THSD7A: variants seen among roughly 807,000 people sequenced by gnomAD.
THSD7A encodes thrombospondin type-1 domain-containing protein 7A.
In THSD7A, 96 loss-of-function variants were observed where a neutral mutation model predicts 231.3. The ratio of observed to expected loss-of-function variants is 0.41; its 90% CI spans 0.35 to 0.49. The LOEUF (loss-of-function observed/expected upper bound fraction) is 0.49, where lower values mean the gene tolerates loss of function less well. Ranked by LOEUF, THSD7A falls within the 20% of genes least tolerant of loss-of-function variation. The pLI, the probability that THSD7A is intolerant of heterozygous loss-of-function variation, is 0.05. For synonymous variants in THSD7A, 940 were observed against 743.3 expected (o/e 1.26, Z -4.30); for missense variants, 2,290 against 2,070.2 (o/e 1.11, Z -2.06).
In THSD7A at chr7:11,762,311, C is replaced by T. The variant is rs73298445; in HGVS notation, c.190+69446G>A. Among the ~76,000 whole-genome samples, 1,182 of 152,180 alleles carry T rather than the reference C, an allele frequency of 7.8e-3. 16 individuals are homozygous for T. Among genetic ancestry groups the T allele is most frequent in the African/African-American group, 0.026 (1,066 of 41,506 alleles). On this transcript the variant is annotated intron_variant, in intron 1 of 27. Coordinates refer to ENST00000423059, the MANE Select transcript of THSD7A (RefSeq NM_015204.3). ...ATATTGTTAGTTATTTGAGACACCC[C>T]CATACTGATTTTCATAGGTGTTGAA...
At chr7:11,649,921 A>C (rs1354509686) in intron 1 of THSD7A, among the ~76,000 whole-genome samples, 2 of 152,042 alleles carry the variant, frequency 1.3e-5, no homozygotes, top group Admixed American at 1.3e-4. Flanking sequence ...TGTTCTGAGG[A>C]ATGTCAAGAC....
chr7:11,768,483 A>T (rs1343555173), intron 1 of THSD7A, among the ~76,000 whole-genome samples: 2 of 152,160 alleles, frequency 1.3e-5, no homozygotes, highest in Non-Finnish European at 1.5e-5. Context: ...GTTGAAAGTC[A>T]TGAGACTGAA....
At chr7:11,643,681 G>A (rs763662896) in intron 1 of THSD7A, among the ~76,000 whole-genome samples, 3 of 151,342 alleles carry the variant, frequency 2.0e-5, no homozygotes, top group Non-Finnish European at 4.4e-5. Flanking sequence ...TTCACATTTA[G>A]ATCTATACTA....
intron 1 of THSD7A, among the ~76,000 whole-genome samples, chr7:11,641,774 T>A (rs540919690): frequency 2.6e-4 from 31 of 120,878 alleles, no homozygotes; most frequent in African/African-American, 7.9e-4. Context: ...AAATATAATA[T>A]AATAAAATAA....
At chr7:11,387,459 A>G (rs1184660525) in intron 23 of THSD7A, among the ~76,000 whole-genome samples, 1 of 151,942 alleles carries the variant, frequency 6.6e-6, no homozygotes, top group African/African-American at 2.4e-5. Flanking sequence ...TAGGTATTTT[A>G]TTCTCTTTGT....
At chr7:11,618,402 T>C (rs939680801) in intron 2 of THSD7A, among the ~76,000 whole-genome samples, 3 of 152,240 alleles carry the variant, frequency 2.0e-5, no homozygotes, top group Non-Finnish European at 4.4e-5. Context: ...ATTGTGTGTA[T>C]GTGTAAAATC....
chr7:11,442,993 C>A (rs1304734898), intron 13 of THSD7A, among the ~76,000 whole-genome samples: 1 of 152,000 alleles, frequency 6.6e-6, no homozygotes, highest in East Asian at 1.9e-4. Context: ...ATGTATACTG[C>A]CTTTGGCCAA....
intron 1 of THSD7A, among the ~76,000 whole-genome samples, chr7:11,709,891 G>A (rs897455041): frequency 6.6e-6 from 1 of 150,850 alleles, no homozygotes; most frequent in East Asian, 2.0e-4. Context: ...TTCCAAATGG[G>A]ATCAGTGCAA....
At chr7:11,408,660 A>G (rs1022721135) in intron 19 of THSD7A, among the ~76,000 whole-genome samples, 17 of 152,326 alleles carry the variant, frequency 1.1e-4, no homozygotes, top group Admixed American at 9.8e-4. Flanking sequence ...TATACAGCAG[A>G]TAATGGCAAA....
At chr7:11,525,917 C>G (rs1303834680) in intron 6 of THSD7A, among the ~76,000 whole-genome samples, 1 of 152,158 alleles carries the variant, frequency 6.6e-6, no homozygotes, top group South Asian at 2.1e-4. Flanking sequence ...ATCAGCAGCA[C>G]TGGGTGAAAA....
chr7:11,607,035 A>G (rs1026947486), intron 2 of THSD7A, among the ~76,000 whole-genome samples: 2 of 151,744 alleles, frequency 1.3e-5, no homozygotes, highest in African/African-American at 4.8e-5. Context: ...ATAAAAGAAA[A>G]AGGAAATGAG....
chr7:11,707,175 ATTCTC>A (rs1780796134), intron 1 of THSD7A, among the ~76,000 whole-genome samples: 1 of 150,840 alleles, frequency 6.6e-6, no homozygotes, highest in African/African-American at 2.4e-5. Flanking sequence ...AGGCCTCTGA[ATTCTC>A]TTCTTTAGCC....
intron 1 of THSD7A, among the ~76,000 whole-genome samples, chr7:11,767,484 A>T (rs1372870912): frequency 1.3e-5 from 2 of 152,322 alleles, no homozygotes; most frequent in East Asian, 3.9e-4. Context: ...TTACTTAAAT[A>T]CACATTAACG....
chr7:11,817,302 G>A (rs576546395), intron 1 of THSD7A, among the ~76,000 whole-genome samples: 10 of 152,238 alleles, frequency 6.6e-5, no homozygotes, highest in African/African-American at 2.2e-4. Flanking sequence ...ACAAGCAAAG[G>A]AACTTTGGAA....
chr7:11,688,937 G>A (rs191936026), intron 1 of THSD7A, among the ~76,000 whole-genome samples: 1 of 151,780 alleles, frequency 6.6e-6, no homozygotes, highest in Admixed American at 6.6e-5. Flanking sequence ...GACTTCATTG[G>A]GATTCGTACA....
At chr7:11,554,722 G>C (rs1789773095) in intron 4 of THSD7A, among the ~76,000 whole-genome samples, 1 of 151,828 alleles carries the variant, frequency 6.6e-6, no homozygotes, top group African/African-American at 2.4e-5. Context: ...CTATGTATGA[G>C]GCATTTTGGT....
rs1554296766 is a variant in THSD7A at position 11,373,803 on chromosome 7, C to CTGTT, written c.*1987_*1990dup. On this transcript the variant is annotated 3_prime_UTR_variant, in exon 28 of 28. Coordinates refer to ENST00000423059, the MANE Select transcript of THSD7A (RefSeq NM_015204.3). ...CCAAAACACTTTTACAGGAACACAGCTGTTTAAGATAAAATAGCATGTTAG... is the reference window on the plus strand; with the variant it reads ...CCAAAACACTTTTACAGGAACACAGCTGTTTGTTTAAGATAAAATAGCATGTTAG... 2.0e-5 allele frequency: 3 copies of CTGTT among 152,008 alleles called. No individual in the cohort carries two copies. The highest frequency in any genetic ancestry group is 4.8e-5 in the African/African-American group (2 of 41,414). The allele number at this position is 152,008 out of a possible 1,614,324, so 9.4% of individuals were successfully genotyped here.
intron 23 of THSD7A, among the ~76,000 whole-genome samples, chr7:11,385,916 T>C (rs1193728592): frequency 6.6e-6 from 1 of 152,146 alleles, no homozygotes; most frequent in South Asian, 2.1e-4. Context: ...CCATTCCCTG[T>C]GTCCATATGT....
At chr7:11,541,950 A>AGG (rs1364332652) in intron 5 of THSD7A, among the ~76,000 whole-genome samples, 2 of 151,818 alleles carry the variant, frequency 1.3e-5, no homozygotes, top group African/African-American at 4.8e-5. Flanking sequence ...GAACAGAGAG[A>AGG]GAGATAAATT....
Sources: allele counts gnomAD v4.1 joint callset (sites outside exome capture counted in the v4.1 genomes callset), GRCh38; gene constraint gnomAD v4.1.1; transcripts MANE v1.5; gene names NCBI Gene and HGNC (gene_info 2026-07-23, HGNC 2026-07-21).